The following SANBR variants were observed in gnomAD, a reference collection of about 807,000 sequenced individuals.
SANBR encodes SANT and BTB domain regulator of class switch recombination.
SANBR carries 77 observed loss-of-function variants against 101.8 expected under a neutral mutation model. The ratio of observed to expected loss-of-function variants is 0.76; its 90% CI spans 0.63 to 0.91. SANBR has a LOEUF of 0.91. Ranked by LOEUF, SANBR falls within the 40% of genes least tolerant of loss-of-function variation. The probability of loss-of-function intolerance (pLI) is 0.00; values close to 1 mark genes in which losing one functional copy is unlikely to be tolerated. For synonymous variants in SANBR, 279 were observed against 274.7 expected, an observed-to-expected ratio of 1.02 and a Z score of -0.15; for missense variants, 875 against 853.0, an observed-to-expected ratio of 1.03 and a Z score of -0.32.
At chr2:61,096,487 C>T (rs1353194885) in intron 11 of SANBR, among the ~76,000 whole-genome samples, 1 of 152,194 alleles carries the variant, frequency 6.6e-6, no homozygotes, top group East Asian at 1.9e-4. Context: ...TACCCACCAG[C>T]CCCCAGCTGC....
intron 6 of SANBR, among the ~76,000 whole-genome samples, chr2:61,080,499 G>A (rs1216954897): frequency 6.6e-6 from 1 of 152,114 alleles, no homozygotes; most frequent in Non-Finnish European, 1.5e-5. Context: ...AAGGCGGGCG[G>A]ATCACGAGGT....
chr2:61,078,084 T>A (rs895743713), intron 6 of SANBR, among the ~76,000 whole-genome samples: 1 of 152,236 alleles, frequency 6.6e-6, no homozygotes, highest in Non-Finnish European at 1.5e-5. Context: ...TTTTTAAATA[T>A]ATTGTACAAT....
At chr2:61,093,520 G>A (rs1682879226) in intron 11 of SANBR, among the ~76,000 whole-genome samples, 1 of 152,104 alleles carries the variant, frequency 6.6e-6, no homozygotes, top group African/African-American at 2.4e-5. Context: ...ACTTGAACCC[G>A]GGAGGCAGAG....
chr2:61,088,090 T>G, intron 8 of SANBR, 69 bp from the exon 9 acceptor site: 1 of 770,330 alleles, frequency 1.3e-6, no homozygotes, highest in East Asian at 2.7e-5. Context: ...ATGCACAGAT[T>G]GGTTTGTTTA....
chr2:61,118,279 T>C (rs1426561122), intron 20 of SANBR, among the ~76,000 whole-genome samples, 163 bp downstream of exon 20: 1 of 152,186 alleles, frequency 6.6e-6, no homozygotes, highest in Non-Finnish European at 1.5e-5. Flanking sequence ...TTTGCTCTTG[T>C]TGCCCAGGCT....
chr2:61,088,990 TAC>T, intron 10 of SANBR: 1 of 899,152 alleles, frequency 1.1e-6, no homozygotes, highest in Non-Finnish European at 1.3e-6. Flanking sequence ...CATAATGTTT[TAC>T]ACATTAAAAT....
At position 61,122,882 on chromosome 2, in the gene SANBR, TA is replaced by T. The variant is rs1684389919; in HGVS notation, c.*724del. 9.1e-6 allele frequency: 9 copies of T among 985,136 alleles called. No homozygotes were observed. In the South Asian group the frequency reaches 2.8e-4, roughly 31 times the overall value. 61.0% of individuals were successfully genotyped at this position (985,136 alleles called of 1,614,324 possible). A position where few individuals can be genotyped will look rare whatever the true frequency, so the allele number is the denominator to read the frequency against. On this transcript the variant is annotated 3_prime_UTR_variant, in exon 22 of 22. Coordinates refer to ENST00000402291, the MANE Select transcript of SANBR (RefSeq NM_001129993.3). ...GAAACTAGTGGCATTCTGAATTTGGTAAAATAACCATTGATAGTTTTAGGAT... is the reference window on the plus strand; with the variant it reads ...GAAACTAGTGGCATTCTGAATTTGGTAAATAACCATTGATAGTTTTAGGAT...
intron 11 of SANBR, among the ~76,000 whole-genome samples, chr2:61,093,019 G>C (rs568478712): frequency 6.6e-6 from 1 of 152,102 alleles, no homozygotes; most frequent in African/African-American, 2.4e-5. Context: ...TGTAATCCCA[G>C]CTATTCGGGA....
At chr2:61,134,108 G>A in intron 20 of SANBR, 2 of 1,613,462 alleles carry the variant, frequency 1.2e-6, no homozygotes, top group Non-Finnish European at 1.7e-6. Flanking sequence ...ATCATGCATA[G>A]GGTAGTGTTA....
At chr2:61,106,118 C>A (rs1394352684) in intron 13 of SANBR, among the ~76,000 whole-genome samples, 3 of 151,950 alleles carry the variant, frequency 2.0e-5, no homozygotes, top group African/African-American at 7.3e-5. Context: ...GTTGGCTGGG[C>A]GCGGTGGCTC....
At chr2:61,090,697 ATG>A in intron 10 of SANBR, 2 of 145,270 alleles carry the variant, frequency 1.4e-5, no homozygotes, top group Non-Finnish European at 3.0e-5. Flanking sequence ...GCAATTGTGT[ATG>A]TGTGTGTGGG....
At chr2:61,089,137 A>T (rs1319214902) in intron 10 of SANBR, 1 of 983,944 alleles carries the variant, frequency 1.0e-6, no homozygotes, top group African/African-American at 1.7e-5. Context: ...ATTTACTTTC[A>T]GGTAAATTTT....
intron 6 of SANBR, 152 bp from the exon 7 acceptor site, chr2:61,081,300 C>G (rs1415445011): frequency 1.5e-6 from 1 of 672,110 alleles, no homozygotes; most frequent in South Asian, 3.0e-5. Context: ...ATTGAATTTT[C>G]TTTATTTTAT....
At position 61,068,851 on chromosome 2, in the gene SANBR, G is replaced by A. The variant is rs1354368921; in HGVS notation, c.-144G>A. 11 of 152,312 alleles carry A rather than the reference G, an allele frequency of 7.2e-5. No individual in the cohort carries two copies. The highest frequency in any genetic ancestry group is 1.3e-4 in the Non-Finnish European group (9 of 68,036). 9.4% of individuals were successfully genotyped at this position (152,312 alleles called of 1,614,324 possible). A position where few individuals can be genotyped will look rare whatever the true frequency, so the allele number is the denominator to read the frequency against. The stretch of plus-strand genomic sequence containing the variant: ...CTATTATTATCTTTGTTTTACAGAT[G>A]AGGAAATTGAGGCACAGAGATTAAC... On this transcript the variant is annotated splice_region_variant and 5_prime_UTR_variant, in exon 2 of 22. An upstream start codon of the reference 5' UTR is lost. Transcript: ENST00000402291.
chr2:61,107,318 G>T (rs1683621053), intron 14 of SANBR, among the ~76,000 whole-genome samples: 1 of 151,994 alleles, frequency 6.6e-6, no homozygotes, highest in African/African-American at 2.4e-5. Context: ...TCCTTTTATT[G>T]TAATTAGGAA....
rs928297223 is a variant in SANBR, at chr2:61,123,177, T to G, written c.*1015T>G. ...AAATTTGTTCCAAACTATAACCATA[T>G]AATAAATTATGTGTTTGTAAATTAT... On this transcript the variant is annotated 3_prime_UTR_variant, in exon 22 of 22. Transcript: ENST00000402291. 4 of 981,262 alleles carry G rather than the reference T, an allele frequency of 4.1e-6. No individual in the cohort carries two copies. In the African/African-American group the frequency reaches 7.0e-5, roughly 17 times the overall value. 60.8% of individuals were successfully genotyped at this position (981,262 alleles called of 1,614,324 possible).
chr2:61,075,575 A>G (rs565399173), intron 5 of SANBR, among the ~76,000 whole-genome samples: 1 of 152,346 alleles, frequency 6.6e-6, no homozygotes, highest in South Asian at 2.1e-4. Flanking sequence ...ATTTTCAAAG[A>G]AAGTAAATTC....
In SANBR at chr2:61,135,937, A is replaced by G. The variant is rs141255930; in HGVS notation, c.*45-1527A>G. ...CAGAGTCATGCTTTTGTATATTAAT[A>G]ACACAGGTTCTCTAAGCATTTAGAA... On this transcript the variant is annotated intron_variant, in intron 21 of 21. Transcript: ENST00000295031. Among the ~76,000 whole-genome samples the G allele has an allele frequency of 2.8e-3, 424 of 152,342 alleles. 1 individual carries two copies. Among genetic ancestry groups the G allele is most frequent in the African/African-American group, 9.5e-3 (396 of 41,568 alleles).
chr2:61,076,486 G>A lies in SANBR; in HGVS notation c.432-434G>A, dbSNP rs182940870. ...CAAAAAAAAAAAAAAAAATTAGCTG[G>A]GCGCCATGGTGGGCGCCTGTAGTCC... On this transcript the variant is annotated intron_variant, in intron 5 of 21. Transcript: ENST00000402291. Among the ~76,000 whole-genome samples the A allele has an allele frequency of 2.4e-3, 364 of 149,418 alleles. 3 individuals carry two copies. Among genetic ancestry groups the A allele is most frequent in the African/African-American group, 7.8e-3 (321 of 41,082 alleles).
Sources: allele counts gnomAD v4.1 joint callset (sites outside exome capture counted in the v4.1 genomes callset), GRCh38; gene constraint gnomAD v4.1.1; transcripts MANE v1.5; gene names NCBI Gene and HGNC (gene_info 2026-07-23, HGNC 2026-07-21).